The following SCML4 variants were observed in gnomAD, a reference collection of about 807,000 sequenced individuals.
The protein encoded by SCML4 is Scm polycomb group protein like 4, also known as sex comb on midleg-like protein 4.
SCML4 carries 34 observed loss-of-function variants against 41.1 expected under a neutral mutation model. The observed-to-expected ratio is 0.83, with a 90% CI of 0.63 to 1.10. SCML4 has a LOEUF of 1.10. SCML4 is among the 50% of genes least tolerant of loss of function. SCML4 has a pLI of 0.00. For synonymous variants in SCML4, 214 were observed against 220.9 expected (o/e 0.97, Z 0.28); for missense variants, 522 against 534.1 (o/e 0.98, Z 0.22).
At chr6:107,815,114 T>C (rs1784468362) in intron 1 of SCML4, among the ~76,000 whole-genome samples, 1 of 151,762 alleles carries the variant, frequency 6.6e-6, no homozygotes, top group Non-Finnish European at 1.5e-5. Flanking sequence ...TTAATCAGAG[T>C]GTTCGGGGAG....
intron 1 of SCML4, among the ~76,000 whole-genome samples, chr6:107,804,575 A>G (rs550204267): frequency 1.3e-5 from 2 of 152,350 alleles, no homozygotes; most frequent in South Asian, 4.1e-4. Flanking sequence ...ATATATGTAC[A>G]GACACACACA....
intron 1 of SCML4, among the ~76,000 whole-genome samples, chr6:107,786,411 G>A (rs924712262): frequency 3.3e-5 from 5 of 152,170 alleles, no homozygotes; most frequent in African/African-American, 1.2e-4. Flanking sequence ...GCTTTCCAGA[G>A]GCTCCTCCCC....
In SCML4 at chr6:107,702,359, T is replaced by A. The variant is rs1011611110; in HGVS notation, c.*2841A>T. Among the ~76,000 whole-genome samples, 5 of 152,232 alleles carry A rather than the reference T, an allele frequency of 3.3e-5. No homozygotes were observed. The highest frequency in any genetic ancestry group is 1.2e-4 in the African/African-American group (5 of 41,466). ...AACATATCTCTCGCCTGAAAACTAC[T>A]CAAGGGATCTCTTTGACATTGTTTG... On this transcript the variant is annotated 3_prime_UTR_variant, in exon 8 of 8. Coordinates refer to ENST00000369020, the MANE Select transcript of SCML4 (RefSeq NM_198081.5).
intron 1 of SCML4, among the ~76,000 whole-genome samples, chr6:107,814,268 G>C (rs546944280): frequency 1.3e-5 from 2 of 152,214 alleles, no homozygotes; most frequent in Admixed American, 1.3e-4. Flanking sequence ...AAAGTTAACC[G>C]TGGAGCCACT....
intron 3 of SCML4, among the ~76,000 whole-genome samples, chr6:107,749,124 G>A (rs1033372539): frequency 7.9e-5 from 12 of 151,638 alleles, no homozygotes; most frequent in Admixed American, 6.6e-4. Flanking sequence ...GTGTGTGCGC[G>A]TGTGTGTGTG....
In SCML4 at chr6:107,793,526, T is replaced by A. The variant is rs546376947; in HGVS notation, c.-59-21140A>T. On this transcript the variant is annotated intron_variant, in intron 1 of 7. Transcript: ENST00000369020. ...TGTGTATTTCTCAGTGTGAATCCAG[T>A]GGAATCCTGTTCTTTCTGCTTTCAT... Among the ~76,000 whole-genome samples, 222 of 152,368 alleles carry A rather than the reference T, an allele frequency of 1.5e-3. 1 individual carries two copies. The highest frequency in any genetic ancestry group is 5.1e-3 in the African/African-American group (210 of 41,584).
intron 5 of SCML4, among the ~76,000 whole-genome samples, chr6:107,738,989 A>G (rs1401392494): frequency 1.3e-5 from 2 of 152,150 alleles, no homozygotes; most frequent in East Asian, 3.9e-4. Flanking sequence ...TCAAATTCTG[A>G]GTGGCTTTGA....
chr6:107,714,980 T>A (rs1046313595), intron 6 of SCML4, among the ~76,000 whole-genome samples: 1 of 149,590 alleles, frequency 6.7e-6, no homozygotes, highest in Non-Finnish European at 1.5e-5. Flanking sequence ...ACCCTTTATT[T>A]TTTTTTTTTT....
At chr6:107,763,263 T>C (rs1779756862) in intron 2 of SCML4, among the ~76,000 whole-genome samples, 1 of 152,176 alleles carries the variant, frequency 6.6e-6, no homozygotes. Flanking sequence ...CCCTCCAAAA[T>C]TCATACACTG....
intron 2 of SCML4, among the ~76,000 whole-genome samples, chr6:107,768,097 CAAAAAAA>C (rs766357180): frequency 1.5e-4 from 7 of 45,664 alleles, no homozygotes; most frequent in African/African-American, 4.3e-4. Flanking sequence ...TTCATCTGTA[CAAAAAAA>C]AAAAAAAAAA....
intron 1 of SCML4, among the ~76,000 whole-genome samples, chr6:107,808,763 T>C (rs1419971137): frequency 2.6e-5 from 4 of 152,244 alleles, no homozygotes; most frequent in Non-Finnish European, 2.9e-5. Context: ...AATGCATTAA[T>C]GTAGTATGTA....
the SCML4 span, among the ~76,000 whole-genome samples, chr6:107,840,556 C>T: frequency 6.6e-6 from 1 of 152,146 alleles, no homozygotes; most frequent in East Asian, 1.9e-4. Flanking sequence ...GAAACACACC[C>T]AAATCTCTAG....
intron 5 of SCML4, among the ~76,000 whole-genome samples, chr6:107,737,467 C>T (rs1777185556): frequency 6.6e-6 from 1 of 152,206 alleles, no homozygotes; most frequent in African/African-American, 2.4e-5. Flanking sequence ...CCTTCTCTTC[C>T]CTTCCAGCCC....
chr6:107,751,588 T>G lies in SCML4; in HGVS notation c.157-1775A>C, dbSNP rs1049124751. 1.7e-5 allele frequency among the ~76,000 whole-genome samples: 2 copies of G among 119,628 alleles called. 1 individual carries two copies. The highest frequency in any genetic ancestry group is 3.5e-5 in the Non-Finnish European group (2 of 57,426). The allele number at this position is 119,628 out of a possible 152,430, so 78.5% of individuals were successfully genotyped here. ...ATTTTAACAATCTTTCTTTCTTTCT[T>G]TCTTTCTTTCTTTCTTTCTTTCTTT... is the stretch of plus-strand genomic sequence containing the variant. On this transcript the variant is annotated intron_variant, in intron 2 of 7. Coordinates refer to ENST00000369020, the MANE Select transcript of SCML4 (RefSeq NM_198081.5).
intron 1 of SCML4, among the ~76,000 whole-genome samples, chr6:107,814,578 G>C (rs1195102389): frequency 1.3e-5 from 2 of 152,114 alleles, no homozygotes; most frequent in Admixed American, 6.6e-5. Flanking sequence ...TTTAAGACAG[G>C]ATCTTACTCT....
chr6:107,749,139 T>C (rs898559997), intron 3 of SCML4, among the ~76,000 whole-genome samples: 1 of 151,984 alleles, frequency 6.6e-6, no homozygotes, highest in African/African-American at 2.4e-5. Context: ...TGTGTGTGCA[T>C]GTGCGTGTGT....
intron 2 of SCML4, among the ~76,000 whole-genome samples, chr6:107,750,051 T>C (rs1351484401): frequency 1.3e-5 from 2 of 152,170 alleles, no homozygotes; most frequent in African/African-American, 2.4e-5. Context: ...GAAATGACAG[T>C]GTCAGGCAGT....
upstream of SCML4, among the ~76,000 whole-genome samples, chr6:107,824,605 T>G (rs1311509282): frequency 6.6e-6 from 1 of 152,036 alleles, no homozygotes; most frequent in African/African-American, 2.4e-5. Flanking sequence ...ACACTTCTGC[T>G]TCTTTGGTAG....
chr6:107,731,539 G>T (rs1776547653), intron 5 of SCML4, among the ~76,000 whole-genome samples: 1 of 152,136 alleles, frequency 6.6e-6, no homozygotes, highest in South Asian at 2.1e-4. Context: ...GCTGCAGAGT[G>T]AGCCCTTTCC....
Sources: allele counts gnomAD v4.1 joint callset (sites outside exome capture counted in the v4.1 genomes callset), GRCh38; gene constraint gnomAD v4.1.1; transcripts MANE v1.5; gene names NCBI Gene and HGNC (gene_info 2026-07-23, HGNC 2026-07-21).